The following ROR1 variants were observed in gnomAD, a reference collection of about 807,000 sequenced individuals.
The protein encoded by ROR1 is ROR family WNT receptor 1.
ROR1 carries 19 observed loss-of-function variants against 78.8 expected under a neutral mutation model. That is an observed-to-expected ratio of 0.24 (90% CI 0.17 to 0.35). The LOEUF (loss-of-function observed/expected upper bound fraction) is 0.35, where lower values mean the gene tolerates loss of function less well. Among genes scored for constraint, ROR1 ranks in the 10% least tolerant of loss-of-function variants. The pLI is 1.00. For missense variants in ROR1, 917 were observed against 1,177.8 expected, an observed-to-expected ratio of 0.78 and a Z score of 3.24; for synonymous variants, 386 against 433.6, an observed-to-expected ratio of 0.89 and a Z score of 1.36.
intron 7 of ROR1, among the ~76,000 whole-genome samples, chr1:64,155,679 G>A (rs1557677468): frequency 6.6e-6 from 1 of 152,178 alleles, no homozygotes; most frequent in South Asian, 2.1e-4. Context: ...TGCCAGGCAG[G>A]TGAGGCCCTA....
chr1:64,008,826 G>A (rs1314799347), intron 1 of ROR1, among the ~76,000 whole-genome samples: 1 of 151,982 alleles, frequency 6.6e-6, no homozygotes, highest in African/African-American at 2.4e-5. Flanking sequence ...GTAGAGACGG[G>A]GTTTCATCAT....
At chr1:64,018,954 A>G (rs1401443341) in intron 2 of ROR1, among the ~76,000 whole-genome samples, 1 of 152,178 alleles carries the variant, frequency 6.6e-6, no homozygotes, top group Non-Finnish European at 1.5e-5. Context: ...TCTGATGCCC[A>G]CTAAAGTTTG....
chr1:64,039,138 A>G (rs1162357383), intron 2 of ROR1, among the ~76,000 whole-genome samples: 1 of 152,220 alleles, frequency 6.6e-6, no homozygotes, highest in African/African-American at 2.4e-5. Context: ...GTTGTGGTCA[A>G]GTCAGCAGAT....
At chr1:64,121,746 C>T (rs1414632053) in intron 4 of ROR1, among the ~76,000 whole-genome samples, 2 of 152,158 alleles carry the variant, frequency 1.3e-5, no homozygotes, top group African/African-American at 4.8e-5. Context: ...GCCCTTGGTA[C>T]ACCACTGAGC....
intron 1 of ROR1, among the ~76,000 whole-genome samples, chr1:63,826,283 C>T (rs1339755012): frequency 6.6e-6 from 1 of 152,004 alleles, no homozygotes; most frequent in Non-Finnish European, 1.5e-5. Flanking sequence ...GTGTTGTTCC[C>T]CTCTATGTGT....
intron 2 of ROR1, among the ~76,000 whole-genome samples, chr1:64,031,553 AG>A (rs1646659781): frequency 6.6e-6 from 1 of 152,264 alleles, no homozygotes; most frequent in South Asian, 2.1e-4. Context: ...TTATCAGACC[AG>A]AAGAGTCTCT....
chr1:63,890,388 T>C (rs972558265), intron 1 of ROR1, among the ~76,000 whole-genome samples: 3 of 151,002 alleles, frequency 2.0e-5, no homozygotes, highest in Non-Finnish European at 4.4e-5. Context: ...TTAACACTTA[T>C]TTCATACCTG....
intron 1 of ROR1, among the ~76,000 whole-genome samples, chr1:63,935,722 T>G (rs140760344): frequency 1.2e-3 from 176 of 152,348 alleles, no homozygotes; most frequent in African/African-American, 3.8e-3. Flanking sequence ...CAGTAATTTA[T>G]AGCTTGAAAC....
intron 2 of ROR1, among the ~76,000 whole-genome samples, chr1:64,015,208 C>T (rs922363510): frequency 6.6e-6 from 1 of 152,136 alleles, no homozygotes; most frequent in African/African-American, 2.4e-5. Flanking sequence ...GTTCAATCAG[C>T]TCCCACCAGG....
intron 7 of ROR1, among the ~76,000 whole-genome samples, chr1:64,146,724 T>G (rs1649484206): frequency 6.6e-6 from 1 of 152,196 alleles, no homozygotes; most frequent in Non-Finnish European, 1.5e-5. Context: ...ATGCCCTTCC[T>G]GCAGCATCCA....
At chr1:64,133,173 G>A (rs529023446) in intron 4 of ROR1, among the ~76,000 whole-genome samples, 1 of 152,258 alleles carries the variant, frequency 6.6e-6, no homozygotes, top group South Asian at 2.1e-4. Context: ...CAAGGAGAAC[G>A]AGGGGGTGGA....
intron 1 of ROR1, among the ~76,000 whole-genome samples, chr1:63,908,892 G>A (rs765035165): frequency 6.6e-6 from 1 of 152,218 alleles, no homozygotes; most frequent in Non-Finnish European, 1.5e-5. Flanking sequence ...GAATGTGCCA[G>A]GGAGTGGGAA....
chr1:64,042,276 T>C (rs912527893), intron 2 of ROR1, among the ~76,000 whole-genome samples: 1 of 152,172 alleles, frequency 6.6e-6, no homozygotes, highest in Non-Finnish European at 1.5e-5. Flanking sequence ...CAGGTATCAG[T>C]ATTTTTTTCT....
chr1:63,985,124 C>G (rs1486625851), intron 1 of ROR1, among the ~76,000 whole-genome samples: 1 of 152,154 alleles, frequency 6.6e-6, no homozygotes, highest in African/African-American at 2.4e-5. Flanking sequence ...GGTCTCCGCA[C>G]TTTCTCCTGA....
At chr1:63,994,827 A>T (rs1248319950) in intron 1 of ROR1, among the ~76,000 whole-genome samples, 2 of 152,242 alleles carry the variant, frequency 1.3e-5, no homozygotes, top group African/African-American at 2.4e-5. Flanking sequence ...CAAGTTGCCC[A>T]TCTCAGAAGG....
chr1:63,831,371 A>T (rs536432869), intron 1 of ROR1, among the ~76,000 whole-genome samples: 1 of 152,324 alleles, frequency 6.6e-6, no homozygotes, highest in South Asian at 2.1e-4. Context: ...AGACATTTCC[A>T]TAGATCCTCT....
chr1:64,033,189 C>A (rs1646675133), intron 2 of ROR1, among the ~76,000 whole-genome samples: 1 of 152,184 alleles, frequency 6.6e-6, no homozygotes, highest in Non-Finnish European at 1.5e-5. Flanking sequence ...AATCTCCATA[C>A]CCCTATGCAC....
chr1:64,149,345 A>C (rs1649558834), intron 7 of ROR1, among the ~76,000 whole-genome samples: 2 of 152,204 alleles, frequency 1.3e-5, no homozygotes, highest in Non-Finnish European at 2.9e-5. Context: ...CTGCTTAAAC[A>C]ATAGAGTCCT....
At chr1:64,114,960 A>G (rs886238657) in intron 4 of ROR1, among the ~76,000 whole-genome samples, 4 of 152,042 alleles carry the variant, frequency 2.6e-5, no homozygotes, top group African/African-American at 9.7e-5. Context: ...TAAAAATAAG[A>G]TGGTTGTTTG....
Sources: gnomAD v4.1 joint callset for allele counts (sites outside exome capture counted in the v4.1 genomes callset) on GRCh38, gnomAD v4.1.1 for gene constraint, MANE v1.5 for transcripts, NCBI Gene and HGNC (gene_info 2026-07-23, HGNC 2026-07-21) for gene names.